The following CBR3 variants were observed in gnomAD, a reference collection of about 807,000 sequenced individuals.
CBR3 encodes carbonyl reductase 3, also known as carbonyl reductase [NADPH] 3.
Under a neutral mutation model 11.6 loss-of-function variants are expected in CBR3, and 14 were observed. The observed-to-expected ratio is 1.20, with a 90% CI of 0.79 to 1.88. The LOEUF (loss-of-function observed/expected upper bound fraction) is 1.88. CBR3 is among the 40% of genes most tolerant of loss of function. CBR3 has a pLI of 0.00. For synonymous variants in CBR3, 125 were observed against 145.6 expected, an observed-to-expected ratio of 0.86 and a Z score of 1.02; for missense variants, 308 against 357.3, an observed-to-expected ratio of 0.86 and a Z score of 1.11.
intron 2 of CBR3, among the ~76,000 whole-genome samples, chr21:36,143,326 G>A (rs892948595): frequency 2.0e-5 from 3 of 151,262 alleles, no homozygotes; most frequent in Non-Finnish European, 4.4e-5. Flanking sequence ...AGACCCTATT[G>A]GACACAGAGA....
chr21:36,136,521 A>G (rs1438668275), intron 1 of CBR3, among the ~76,000 whole-genome samples: 1 of 152,064 alleles, frequency 6.6e-6, no homozygotes, highest in Non-Finnish European at 1.5e-5. Flanking sequence ...GCTTTCTGAG[A>G]GCTGGGGTGC....
intron 2 of CBR3, among the ~76,000 whole-genome samples, chr21:36,139,747 C>A (rs1429161565): frequency 6.6e-6 from 1 of 151,938 alleles, no homozygotes; most frequent in African/African-American, 2.4e-5. Context: ...GTGGCTCATG[C>A]CTGTAATCTC....
rs1418055374 is a variant in CBR3, at chr21:36,135,676, A to G, written c.289+195A>G. ...GCTGAGCCCCAGGCGGGCCCGGGCG[A>G]CAAACAGCGCGCCCCGCCCGCCGGC... On this transcript the variant is annotated intron_variant, in intron 1 of 2. Coordinates refer to ENST00000290354, the MANE Select transcript of CBR3 (RefSeq NM_001236.4). 12 of 562,450 alleles carry G rather than the reference A, an allele frequency of 2.1e-5. No individual in the cohort carries two copies. The East Asian group carries it at 3.3e-4, about 16-fold the overall frequency. The allele number at this position is 562,450 out of a possible 1,614,324, so 34.8% of individuals were successfully genotyped here. A position where few individuals can be genotyped will look rare whatever the true frequency, so the allele number is the denominator to read the frequency against.
At chr21:36,136,613 G>T (rs1470251148) in intron 1 of CBR3, among the ~76,000 whole-genome samples, 1 of 152,068 alleles carries the variant, frequency 6.6e-6, no homozygotes, top group Non-Finnish European at 1.5e-5. Context: ...CTTCCTGGAC[G>T]ACAGGCGGAG....
chr21:36,146,143 G>A lies in CBR3; in HGVS notation c.465G>A (p.Gln155=). 8 of 1,613,990 alleles carry A rather than the reference G, an allele frequency of 5.0e-6. No homozygotes were observed. The highest frequency in any genetic ancestry group is 6.8e-6 in the Non-Finnish European group (8 of 1,179,954). Residue 155 remains glutamine, a synonymous_variant, in exon 3 of 3, where the codon CAG becomes CAA. Coordinates refer to ENST00000290354, the MANE Select transcript of CBR3 (RefSeq NM_001236.4). ...TTGAAAACTGCAGTGAAGATCTGCA[G>A]GAAAGGTTCCACAGTGAGACACTCA... The part of the protein sequence containing the change: ...RAFENCSEDL[Q]ERFHSETLTE...
In CBR3 at chr21:36,146,283, C is replaced by T. The variant is rs141887975; in HGVS notation, c.605C>T (p.Thr202Met). 8.1e-5 allele frequency: 131 copies of T among 1,614,124 alleles called. 1 individual carries two copies. The East Asian group carries it at 1.9e-3, about 23-fold the overall frequency. ...TATGGGGTGTCCAAGTTGGGGGTCA[C>T]GGTCTTATCGAGGATCCTGGCCAGG... ...SPYGVSKLGV[T>M]VLSRILARRL... is the part of the protein sequence containing the mutation. Residue 202 changes from threonine to methionine, a missense_variant, in exon 3 of 3, where the codon ACG (threonine) becomes ATG (methionine). By Grantham distance (81) the Thr-to-Met change is moderately conservative. Coordinates refer to ENST00000290354, the MANE Select transcript of CBR3 (RefSeq NM_001236.4).
At chr21:36,142,541 G>T (rs1000868433) in intron 2 of CBR3, among the ~76,000 whole-genome samples, 4 of 151,968 alleles carry the variant, frequency 2.6e-5, no homozygotes, top group Non-Finnish European at 4.4e-5. Context: ...TTTGAATATG[G>T]GCTGTATTTT....
intron 2 of CBR3, 75 bp from the exon 3 acceptor site, chr21:36,146,001 A>G (rs993614732): frequency 3.2e-6 from 3 of 951,406 alleles, no homozygotes; most frequent in African/African-American, 3.3e-5. Context: ...AGACTCAATC[A>G]TATGTTTGGT....
chr21:36,135,958 C>A (rs931232737), intron 1 of CBR3, among the ~76,000 whole-genome samples: 2 of 152,204 alleles, frequency 1.3e-5, no homozygotes, highest in Non-Finnish European at 2.9e-5. Context: ...AGGATTAGCG[C>A]GCGCTTGCCC....
chr21:36,140,081 G>A (rs1267015218), intron 2 of CBR3, among the ~76,000 whole-genome samples: 1 of 151,730 alleles, frequency 6.6e-6, no homozygotes, highest in Admixed American at 6.6e-5. Flanking sequence ...TAGAGACAGG[G>A]TTTCACCATG....
intron 2 of CBR3, 70 bp from the exon 3 acceptor site, chr21:36,146,006 T>G (rs1249439159): frequency 6.1e-6 from 6 of 982,990 alleles, no homozygotes; most frequent in South Asian, 1.6e-5. Context: ...CAATCATATG[T>G]TTGGTATATT....
Position 36,146,234 on chromosome 21 carries a change from A to T in CBR3, c.556A>T (p.Arg186Trp), listed in dbSNP as rs1176927848. 7.4e-6 allele frequency: 12 copies of T among 1,614,046 alleles called. No individual in the cohort carries two copies. Reference protein sequence around the residue: ...VEDTKNEVHEREGWPNSPYGV... With the variant: ...VEDTKNEVHEWEGWPNSPYGV... ...GGACACAAAAAATGAGGTGCATGAG[A>T]GGGAAGGCTGGCCCAACTCACCTTA... The change falls in exon 3 of 3, where the codon AGG (arginine) becomes TGG (tryptophan). Residue 186 changes from arginine (R) to tryptophan (W), a missense_variant. By Grantham distance (101) the Arg-to-Trp change is moderately radical. Coordinates refer to ENST00000290354, the MANE Select transcript of CBR3 (RefSeq NM_001236.4).
In CBR3 at chr21:36,146,161, GAC is replaced by G; in HGVS notation, c.486_487del (p.Leu163HisfsTer19). On this transcript the variant is annotated frameshift_variant, in exon 3 of 3. Coordinates refer to ENST00000290354, the MANE Select transcript of CBR3 (RefSeq NM_001236.4). LOFTEE classifies it low-confidence loss of function (END_TRUNC). ...ATCTGCAGGAAAGGTTCCACAGTGA[GAC>G]ACTCACAGAAGGAGACCTGGTGGAT... Reference protein sequence around the residue: ...EDLQERFHSETLTEGDLVDLM... With the variant: ...EDLQERFHSEXLTEGDLVDLM... 6.2e-7 allele frequency: 1 copy of G among 1,614,032 alleles called. No individual in the cohort carries two copies. Among genetic ancestry groups the G allele is most frequent in the Non-Finnish European group, 8.5e-7 (1 of 1,179,970 alleles).
chr21:36,145,210 C>T (rs1034714791), intron 2 of CBR3: 1 of 151,882 alleles, frequency 6.6e-6, no homozygotes, highest in Non-Finnish European at 1.5e-5. Context: ...GAAAGGGAGC[C>T]CCCCCTGTCA....
chr21:36,136,307 T>C (rs1461920773), intron 1 of CBR3, among the ~76,000 whole-genome samples: 4 of 34,222 alleles, frequency 1.2e-4, no homozygotes, highest in Admixed American at 1.1e-3. Context: ...AGACTCCGTA[T>C]GAAAAAAAAA....
At position 36,146,382 on chromosome 21, in the gene CBR3, T is replaced by G; in HGVS notation, c.704T>G (p.Met235Arg). The change falls in exon 3 of 3, where the codon ATG becomes AGG. Residue 235 changes from methionine (M) to arginine (R), a missense_variant. Transcript: ENST00000290354. ...TGCCCAGGACCAGTGAAGACAGACA[T>G]GGATGGGAAAGACAGCATCAGGACT... Reference protein sequence around the residue: ...ACCPGPVKTDMDGKDSIRTVE... With the variant: ...ACCPGPVKTDRDGKDSIRTVE... 6.2e-7 allele frequency: 1 copy of G among 1,614,032 alleles called. No homozygotes were observed. The highest frequency in any genetic ancestry group is 8.5e-7 in the Non-Finnish European group (1 of 1,179,978).
intron 1 of CBR3, 27 bp downstream of exon 1, chr21:36,135,508 C>A (rs1045144596): frequency 2.5e-6 from 4 of 1,570,256 alleles, no homozygotes; most frequent in African/African-American, 2.7e-5. Context: ...GGTTGGGGCC[C>A]CCTGGAGCGC....
intron 2 of CBR3, among the ~76,000 whole-genome samples, chr21:36,144,272 C>T (rs371816485): frequency 6.6e-6 from 1 of 152,056 alleles, no homozygotes; most frequent in African/African-American, 2.4e-5. Flanking sequence ...GTATGGCCAA[C>T]ATGGTGAAAC....
In CBR3 at chr21:36,146,214, C is replaced by T. The variant is rs2065753886; in HGVS notation, c.536C>T (p.Thr179Ile). 1.2e-6 allele frequency: 2 copies of T among 1,613,960 alleles called. No individual in the cohort carries two copies. The highest frequency in any genetic ancestry group is 3.3e-5 in the Admixed American group (2 of 59,976). ...CTCATGAAAAAGTTTGTGGAGGACA[C>T]AAAAAATGAGGTGCATGAGAGGGAA... Reference protein sequence around the residue: ...VDLMKKFVEDTKNEVHEREGW... With the variant: ...VDLMKKFVEDIKNEVHEREGW... Residue 179 changes from threonine to isoleucine, a missense_variant, in exon 3 of 3, where the codon ACA (threonine) becomes ATA (isoleucine). Coordinates refer to ENST00000290354, the MANE Select transcript of CBR3 (RefSeq NM_001236.4).
Sources: allele counts gnomAD v4.1 joint callset (sites outside exome capture counted in the v4.1 genomes callset), GRCh38; gene constraint gnomAD v4.1.1; transcripts MANE v1.5; gene names NCBI Gene and HGNC (gene_info 2026-07-23, HGNC 2026-07-21).